Variants in DSG3 observed in about 807,000 individuals in gnomAD.
DSG3 encodes the protein desmoglein 3.
Under a neutral mutation model 85.9 loss-of-function variants are expected in DSG3, and 63 were observed. The ratio of observed to expected loss-of-function variants is 0.73; its 90% CI spans 0.60 to 0.90. DSG3 has a LOEUF of 0.90. Ranked by LOEUF, DSG3 falls within the 40% of genes least tolerant of loss-of-function variation. DSG3 has a pLI of 0.00. For synonymous variants in DSG3, 447 were observed against 441.9 expected (o/e 1.01, Z -0.14); for missense variants, 1,220 against 1,219.9 (o/e 1.00, Z 0.00).
At chr18:31,461,196 A>C (rs543036476) in intron 7 of DSG3, 31 bp from the exon 8 acceptor site, 1 of 1,566,362 alleles carries the variant, frequency 6.4e-7, no homozygotes, top group South Asian at 1.2e-5. Context: ...ACCTGTCATT[A>C]GGTCTTTAAT....
At chr18:31,448,719 T>C (rs893447325) in intron 1 of DSG3, among the ~76,000 whole-genome samples, 2 of 151,352 alleles carry the variant, frequency 1.3e-5, no homozygotes, top group African/African-American at 2.4e-5. Context: ...TAGTTAAATA[T>C]ACCTTAAAAA....
At chr18:31,455,745 G>A (rs1332783589) in intron 1 of DSG3, among the ~76,000 whole-genome samples, 1 of 152,132 alleles carries the variant, frequency 6.6e-6, no homozygotes, top group Non-Finnish European at 1.5e-5. Flanking sequence ...AGCCTACATG[G>A]CTTCATTTTA....
rs999084835 is a variant in DSG3, at chr18:31,458,514, C to G, written c.286C>G (p.Pro96Ala). 6.2e-7 allele frequency: 1 copy of G among 1,613,970 alleles called. No individual in the cohort carries two copies. The highest frequency in any genetic ancestry group is 2.2e-5 in the East Asian group (1 of 44,876). Residue 96 changes from proline (P) to alanine (A), a missense_variant, in exon 4 of 16, where the codon CCT becomes GCT. Physicochemically the swap from Pro to Ala is conservative, Grantham distance 27 (BLOSUM62 -1). Coordinates refer to ENST00000257189, the MANE Select transcript of DSG3 (RefSeq NM_001944.3). ...CTCTGGAGTGGGAATCGATCAGCCGCCTTTTGGAATCTTTGTTGTTGACAA... is the reference window on the plus strand; with the variant it reads ...CTCTGGAGTGGGAATCGATCAGCCGGCTTTTGGAATCTTTGTTGTTGACAA... ...RISGVGIDQP[P>A]FGIFVVDKNT... is the part of the protein sequence containing the mutation.
Position 31,476,254 on chromosome 18 carries a change from A to G in DSG3, c.2994A>G (p.Leu998=). The change falls in exon 16 of 16, where the codon CTA becomes CTG. Residue 998 remains leucine, a synonymous_variant. Coordinates refer to ENST00000257189, the MANE Select transcript of DSG3 (RefSeq NM_001944.3). ...GTACAGAGGATCCTTGCTCCCGTCT[A>G]ATATGACCAGAATGAGCTGGAATAC... ...MLCTEDPCSR[L]I is the part of the protein sequence containing the mutation. 1 of 1,605,272 alleles carries G rather than the reference A, an allele frequency of 6.2e-7. No individual in the cohort carries two copies. The highest frequency in any genetic ancestry group is 8.5e-7 in the Non-Finnish European group (1 of 1,174,896).
At position 31,476,157 on chromosome 18, in the gene DSG3, T is replaced by C. The variant is rs1414587649; in HGVS notation, c.2897T>C (p.Ile966Thr). The change falls in exon 16 of 16, where the codon ATC becomes ACC. Residue 966 changes from isoleucine to threonine, a missense_variant. Coordinates refer to ENST00000257189, the MANE Select transcript of DSG3 (RefSeq NM_001944.3). ...TQNVIVTERV[I>T]CPISSVPGNL... ...AATGTGATAGTGACAGAAAGGGTGA[T>C]CTGTCCCATTTCCAGTGTTCCTGGC... 2.5e-6 allele frequency: 4 copies of C among 1,614,202 alleles called. No individual in the cohort carries two copies. The highest frequency in any genetic ancestry group is 3.4e-6 in the Non-Finnish European group (4 of 1,180,040).
Position 31,464,388 on chromosome 18 carries a change from A to T in DSG3, c.1271+6A>T, listed in dbSNP as rs2072804366. The T allele has an allele frequency of 6.2e-7, 1 of 1,600,712 alleles. No individual in the cohort carries two copies. The highest frequency in any genetic ancestry group is 8.5e-7 in the Non-Finnish European group (1 of 1,173,200). ...AAAGCTGCCTCAAATGTCAAGTAAG[A>T]CTATTTTTATTTATATCCTATTTCT... On this transcript the variant is annotated splice_donor_region_variant and intron_variant, in intron 9 of 15. Transcript: ENST00000257189.
Position 31,466,575 on chromosome 18 carries a change from C to G in DSG3, c.1457C>G (p.Pro486Arg). ...ACAGGCACGGTATATGTTAGAGTAC[C>G]CGATTTCAATGACAATTGTCCAACA... ...TSTGTVYVRVPDFNDNCPTAV... is the reference protein window; with the variant it reads ...TSTGTVYVRVRDFNDNCPTAV... The change falls in exon 11 of 16, where the codon CCC becomes CGC. Residue 486 changes from proline (P) to arginine (R), a missense_variant. By Grantham distance (103) the Pro-to-Arg change is moderately radical. Coordinates refer to ENST00000257189, the MANE Select transcript of DSG3 (RefSeq NM_001944.3). The G allele has an allele frequency of 6.2e-7, 1 of 1,614,138 alleles. No individual in the cohort carries two copies. The highest frequency in any genetic ancestry group is 8.5e-7 in the Non-Finnish European group (1 of 1,180,034).
intron 9 of DSG3, among the ~76,000 whole-genome samples, chr18:31,465,112 C>T (rs1380503241): frequency 6.9e-6 from 1 of 144,850 alleles, no homozygotes; most frequent in African/African-American, 2.6e-5. Context: ...GCAACAAGAG[C>T]GAAACTCCGT....
Position 31,457,069 on chromosome 18 carries a change from T to C in DSG3, c.161T>C (p.Phe54Ser), listed in dbSNP as rs2072746832. The change falls in exon 3 of 16, where the codon TTT becomes TCT. Residue 54 changes from phenylalanine (F) to serine (S), a missense_variant. Coordinates refer to ENST00000257189, the MANE Select transcript of DSG3 (RefSeq NM_001944.3). ...AGGCAAAAACGTGAATGGGTGAAATTTGCCAAACCCTGCAGAGAAGGAGAA... is the reference window on the plus strand; with the variant it reads ...AGGCAAAAACGTGAATGGGTGAAATCTGCCAAACCCTGCAGAGAAGGAGAA... ...KRRQKREWVK[F>S]AKPCREGEDN... 1 of 1,613,226 alleles carries C rather than the reference T, an allele frequency of 6.2e-7. No homozygotes were observed. Among genetic ancestry groups the C allele is most frequent in the Non-Finnish European group, 8.5e-7 (1 of 1,179,602 alleles).
At chr18:31,457,166 T>G (rs770780091) in intron 3 of DSG3, 42 bp downstream of exon 3, 1 of 1,571,756 alleles carries the variant, frequency 6.4e-7, no homozygotes, top group Non-Finnish European at 8.6e-7. Flanking sequence ...TTAGAATAAA[T>G]GTATAAGGTG....
At chr18:31,460,418 C>T (rs1251805432) in intron 6 of DSG3, among the ~76,000 whole-genome samples, 1 of 152,138 alleles carries the variant, frequency 6.6e-6, no homozygotes, top group African/African-American at 2.4e-5. Flanking sequence ...TTAATTTTAT[C>T]CCTGCTTCCA....
At chr18:31,455,381 G>GC (rs2072736021) in intron 1 of DSG3, among the ~76,000 whole-genome samples, 1 of 151,522 alleles carries the variant, frequency 6.6e-6, no homozygotes, top group Admixed American at 6.6e-5. Flanking sequence ...TACTTGTTAA[G>GC]CACCTGTGAG....
intron 1 of DSG3, among the ~76,000 whole-genome samples, chr18:31,452,984 C>T (rs1383567120): frequency 6.6e-6 from 1 of 152,092 alleles, no homozygotes; most frequent in Non-Finnish European, 1.5e-5. Context: ...AAATTGAATT[C>T]TTCACAATTA....
At chr18:31,455,712 G>T (rs1292829007) in intron 1 of DSG3, among the ~76,000 whole-genome samples, 1 of 152,164 alleles carries the variant, frequency 6.6e-6, no homozygotes, top group Admixed American at 6.6e-5. Context: ...TGTCTCATAT[G>T]CTCTTGAGAA....
intron 8 of DSG3, 125 bp downstream of exon 8, chr18:31,461,537 G>T (rs1162278873): frequency 1.0e-6 from 1 of 965,502 alleles, no homozygotes; most frequent in Non-Finnish European, 1.5e-6. Flanking sequence ...AAAGTAGATT[G>T]AATTTTTTGT....
intron 8 of DSG3, 26 bp downstream of exon 8, chr18:31,461,438 TA>T (rs749162728): frequency 1.3e-5 from 21 of 1,572,496 alleles, no homozygotes; most frequent in Admixed American, 6.0e-5. Context: ...CCTTCATTGG[TA>T]AAAAAAATTC....
intron 1 of DSG3, among the ~76,000 whole-genome samples, chr18:31,453,002 T>C (rs1208716403): frequency 6.6e-6 from 1 of 152,206 alleles, no homozygotes; most frequent in African/African-American, 2.4e-5. Flanking sequence ...TTAAATAATT[T>C]CCAAGTAATC....
intron 2 of DSG3, 75 bp from the exon 3 acceptor site, chr18:31,456,918 A>G (rs748914016): frequency 4.6e-5 from 68 of 1,473,910 alleles, no homozygotes; most frequent in Non-Finnish European, 6.2e-5. Flanking sequence ...TTCCTCAACT[A>G]GGTGTCTGTA....
rs980982696 is a variant in DSG3 at position 31,476,408 on chromosome 18, T to C, written c.*148T>C. ...ACTGATCACGATTATAAATTAAATG[T>C]TTGGGTTCATACCCCAAAAGCAATA... On this transcript the variant is annotated 3_prime_UTR_variant, in exon 16 of 16. Coordinates refer to ENST00000257189, the MANE Select transcript of DSG3 (RefSeq NM_001944.3). The C allele has an allele frequency of 6.7e-5, 61 of 906,126 alleles. 1 individual carries two copies. The Admixed American group carries it at 1.8e-3, about 27-fold the overall frequency. 56.1% of individuals were successfully genotyped at this position (906,126 alleles called of 1,614,324 possible).
Sources: gnomAD v4.1 joint callset for allele counts (sites outside exome capture counted in the v4.1 genomes callset) on GRCh38, gnomAD v4.1.1 for gene constraint, MANE v1.5 for transcripts, NCBI Gene and HGNC (gene_info 2026-07-23, HGNC 2026-07-21) for gene names.